The following PMM2 variants were observed in gnomAD, a reference collection of about 807,000 sequenced individuals.
The protein encoded by PMM2 is phosphomannomutase 2.
PMM2 carries 35 observed loss-of-function variants against 33.2 expected under a neutral mutation model. The ratio of observed to expected loss-of-function variants is 1.06; its 90% CI spans 0.81 to 1.40. The LOEUF (loss-of-function observed/expected upper bound fraction) is 1.40. PMM2 is among the 40% of genes most tolerant of loss of function. PMM2 has a pLI of 0.00. For missense variants in PMM2, 386 were observed against 306.0 expected (o/e 1.26, Z -1.95); for synonymous variants, 153 against 114.7 (o/e 1.33, Z -2.13).
intron 1 of PMM2, among the ~76,000 whole-genome samples, chr16:8,798,655 C>T (rs183803914): frequency 1.0e-3 from 155 of 152,314 alleles, no homozygotes; most frequent in Admixed American, 4.4e-3. Context: ...TCTTTGGGCC[C>T]TTGGAAACTT....
chr16:8,801,799 A>G lies in PMM2; in HGVS notation c.67A>G (p.Lys23Glu), dbSNP rs2060617948. 1.3e-6 allele frequency: 2 copies of G among 1,597,282 alleles called. No homozygotes were observed. The highest frequency in any genetic ancestry group is 1.1e-5 in the South Asian group (1 of 89,934). ...VDGTLTAPRQ[K>E]ITKEMDDFLQ... Reference sequence around the variant, plus strand: ...TTGTATTTTCTTTCTTGAAATTTAGAAAATTACCAAAGAAATGGATGACTT... The same window carrying G: ...TTGTATTTTCTTTCTTGAAATTTAGGAAATTACCAAAGAAATGGATGACTT... The change falls in exon 2 of 8, where the codon AAA (lysine) becomes GAA (glutamate). Residue 23 changes from lysine (K) to glutamate (E), a missense_variant and splice_region_variant. By Grantham distance (56) the Lys-to-Glu change is moderately conservative (BLOSUM62 1). Coordinates refer to ENST00000268261, the MANE Select transcript of PMM2 (RefSeq NM_000303.3).
At chr16:8,835,987 G>A (rs4485369) in intron 7 of PMM2, among the ~76,000 whole-genome samples, 33,861 of 143,916 alleles carry the variant, frequency 0.24, 4,107 homozygotes, top group Middle Eastern at 0.27. Context: ...AAAGTGTCTC[G>A]GCCTAATAAG....
intron 7 of PMM2, among the ~76,000 whole-genome samples, chr16:8,814,008 G>A (rs994929897): frequency 2.0e-5 from 3 of 151,540 alleles, no homozygotes; most frequent in Admixed American, 6.6e-5. Context: ...CTGATATTAC[G>A]GGCATGCACC....
At chr16:8,822,604 TTTTTGCAAAGACAG>T (rs2060744357) in intron 7 of PMM2, among the ~76,000 whole-genome samples, 1 of 152,212 alleles carries the variant, frequency 6.6e-6, no homozygotes, top group African/African-American at 2.4e-5. Context: ...TCAGTTAAAA[TTTTTGCAAAGACAG>T]TTTCAGTTCC....
At chr16:8,824,059 A>G (rs1245357750) in intron 7 of PMM2, among the ~76,000 whole-genome samples, 1 of 152,234 alleles carries the variant, frequency 6.6e-6, no homozygotes, top group African/African-American at 2.4e-5. Flanking sequence ...ATAGTTTCCA[A>G]ATTCTGGAGA....
At chr16:8,827,761 TGC>T (rs1567164680) in intron 7 of PMM2, among the ~76,000 whole-genome samples, 205 of 68,870 alleles carry the variant, frequency 3.0e-3, no homozygotes, top group East Asian at 7.6e-3. Flanking sequence ...TATATATATA[TGC>T]ACACATTTAT....
At chr16:8,811,584 G>C (rs186149458) in intron 5 of PMM2, 54 bp from the exon 6 acceptor site, 1 of 1,124,818 alleles carries the variant, frequency 8.9e-7, no homozygotes, top group Non-Finnish European at 1.4e-6. Flanking sequence ...AGTTAAAACT[G>C]TGCTTTCTAA....
At chr16:8,801,165 G>T (rs1448269078) in intron 1 of PMM2, among the ~76,000 whole-genome samples, 1 of 152,194 alleles carries the variant, frequency 6.6e-6, no homozygotes, top group East Asian at 1.9e-4. Flanking sequence ...TTCCATTTAT[G>T]TTTCAAAAAT....
At chr16:8,801,389 G>A (rs1451534101) in intron 1 of PMM2, among the ~76,000 whole-genome samples, 4 of 152,258 alleles carry the variant, frequency 2.6e-5, no homozygotes, top group African/African-American at 9.6e-5. Flanking sequence ...ATGAAAATAA[G>A]GCTTATAGAC....
intron 7 of PMM2, among the ~76,000 whole-genome samples, chr16:8,834,039 TG>T (rs2060827968): frequency 6.6e-6 from 1 of 151,868 alleles, no homozygotes; most frequent in African/African-American, 2.4e-5. Flanking sequence ...TGACAAGTTT[TG>T]GGGGGCACAG....
chr16:8,812,814 A>G (rs982777249), intron 6 of PMM2, among the ~76,000 whole-genome samples, 177 bp from the exon 7 acceptor site: 3 of 152,256 alleles, frequency 2.0e-5, no homozygotes, highest in Non-Finnish European at 4.4e-5. Context: ...GGAAAAAAAC[A>G]ATGTAGAATT....
At chr16:8,813,673 A>G (rs1348999266) in intron 7 of PMM2, among the ~76,000 whole-genome samples, 1 of 152,044 alleles carries the variant, frequency 6.6e-6, no homozygotes, top group Non-Finnish European at 1.5e-5. Context: ...TAAACTGAGA[A>G]CTGAGAGCAG....
intron 2 of PMM2, among the ~76,000 whole-genome samples, chr16:8,804,531 T>C (rs546369280): frequency 1.3e-5 from 2 of 152,170 alleles, no homozygotes; most frequent in African/African-American, 4.8e-5. Context: ...AGATAACCTG[T>C]CACCAAGTCC....
At chr16:8,820,354 T>C (rs929634055) in intron 7 of PMM2, among the ~76,000 whole-genome samples, 73 of 147,508 alleles carry the variant, frequency 4.9e-4, no homozygotes, top group South Asian at 6.3e-4. Flanking sequence ...AGTTCTTCTT[T>C]TTTTTTTTTT....
intron 7 of PMM2, among the ~76,000 whole-genome samples, chr16:8,830,929 G>A (rs1033037446): frequency 2.6e-5 from 4 of 152,252 alleles, no homozygotes; most frequent in African/African-American, 7.2e-5. Flanking sequence ...ACTTGAGGCC[G>A]GGAGTTTGAC....
At chr16:8,822,126 C>G (rs987498861) in intron 7 of PMM2, among the ~76,000 whole-genome samples, 1 of 152,176 alleles carries the variant, frequency 6.6e-6, no homozygotes, top group African/African-American at 2.4e-5. Context: ...TTAAGGATAA[C>G]TTGCTGGGTA....
chr16:8,806,442 A>G (rs768929376), intron 4 of PMM2, 35 bp downstream of exon 4: 1 of 1,289,072 alleles, frequency 7.8e-7, no homozygotes, highest in South Asian at 1.2e-5. Flanking sequence ...CGTCACAGGA[A>G]CATAGCGTAG....
At chr16:8,845,979 TCAC>T (rs2060923355) in intron 7 of PMM2, among the ~76,000 whole-genome samples, 1 of 152,132 alleles carries the variant, frequency 6.6e-6, no homozygotes, top group Admixed American at 6.5e-5. Context: ...AGAACTGATT[TCAC>T]ATGTGTAGGT....
chr16:8,838,021 C>T (rs2060862910), intron 7 of PMM2, among the ~76,000 whole-genome samples: 1 of 152,234 alleles, frequency 6.6e-6, no homozygotes. Context: ...GTGTGAGCAA[C>T]ATGGCTGTTT....
Sources: allele counts gnomAD v4.1 joint callset (sites outside exome capture counted in the v4.1 genomes callset), GRCh38; gene constraint gnomAD v4.1.1; transcripts MANE v1.5; gene names NCBI Gene and HGNC (gene_info 2026-07-23, HGNC 2026-07-21).